Variants in DPH5 observed in about 807,000 individuals in gnomAD.
The protein encoded by DPH5 is diphthine methyl ester synthase.
In DPH5, 31 loss-of-function variants were observed where a neutral mutation model predicts 31.6. That is an observed-to-expected ratio of 0.98 (90% CI 0.74 to 1.32). DPH5 has a LOEUF of 1.32. DPH5 is among the 40% of genes most tolerant of loss of function. The probability of loss-of-function intolerance (pLI) is 0.00; values close to 1 mark genes in which losing one functional copy is unlikely to be tolerated. For missense variants in DPH5, 309 were observed against 335.7 expected, an observed-to-expected ratio of 0.92 and a Z score of 0.62; for synonymous variants, 120 against 115.0, an observed-to-expected ratio of 1.04 and a Z score of -0.28.
At chr1:101,014,979 T>G (rs1298098201) in intron 3 of DPH5, among the ~76,000 whole-genome samples, 1 of 152,242 alleles carries the variant, frequency 6.6e-6, no homozygotes, top group Non-Finnish European at 1.5e-5. Context: ...TCTAGTTCTC[T>G]TGGTATTTCT....
intron 3 of DPH5, among the ~76,000 whole-genome samples, chr1:101,016,216 TG>T (rs1156774087): frequency 1.3e-5 from 2 of 151,588 alleles, no homozygotes; most frequent in Non-Finnish European, 2.9e-5. Flanking sequence ...TAGCTGGGCG[TG>T]GTGGCAGGCG....
intron 4 of DPH5, among the ~76,000 whole-genome samples, chr1:101,010,485 G>T (rs1225757233): frequency 1.3e-5 from 2 of 152,124 alleles, no homozygotes; most frequent in African/African-American, 4.8e-5. Context: ...AATACTCAGT[G>T]GTTGATTCTG....
rs186757516 is a variant in DPH5, at chr1:101,016,929, T to G, written c.261-3111A>C. Among the ~76,000 whole-genome samples the G allele has an allele frequency of 1.0e-3, 152 of 152,248 alleles. 1 individual carries two copies. Among genetic ancestry groups the G allele is most frequent in the African/African-American group, 3.6e-3 (148 of 41,532 alleles). ...AGAGAGAGTTGGGGGAATGGCTGGTTGGTGGGGAGCAGTCAGAACACACAC... is the reference window on the plus strand; with the variant it reads ...AGAGAGAGTTGGGGGAATGGCTGGTGGGTGGGGAGCAGTCAGAACACACAC... On this transcript the variant is annotated intron_variant, in intron 3 of 7. Coordinates refer to ENST00000370109, the MANE Select transcript of DPH5 (RefSeq NM_015958.3).
At chr1:101,013,590 C>T in intron 4 of DPH5, 120 bp downstream of exon 4, 1 of 674,482 alleles carries the variant, frequency 1.5e-6, no homozygotes, top group East Asian at 2.8e-5. Context: ...ACTAAGCAGC[C>T]TAGTATCAAA....
At chr1:100,990,700 A>AT (rs750258394) in intron 7 of DPH5, 69 bp from the exon 8 acceptor site, 17 of 1,428,666 alleles carry the variant, frequency 1.2e-5, no homozygotes, top group Non-Finnish European at 1.6e-5. Context: ...TCAAACAAAC[A>AT]TTAGTACCAC....
intron 6 of DPH5, among the ~76,000 whole-genome samples, chr1:100,994,095 A>C (rs1019826554): frequency 1.3e-5 from 2 of 152,144 alleles, no homozygotes; most frequent in East Asian, 1.9e-4. Context: ...GTAATTTAAC[A>C]CCTACTCATA....
intron 7 of DPH5, among the ~76,000 whole-genome samples, chr1:100,991,076 T>C (rs956556749): frequency 3.3e-5 from 5 of 152,228 alleles, no homozygotes; most frequent in African/African-American, 1.2e-4. Context: ...TGCCATCCAA[T>C]TAGCTGTGTG....
At chr1:101,015,298 G>T (rs1345271797) in intron 3 of DPH5, among the ~76,000 whole-genome samples, 1 of 152,176 alleles carries the variant, frequency 6.6e-6, no homozygotes, top group Non-Finnish European at 1.5e-5. Flanking sequence ...TAGGTGTTGG[G>T]TTAGCAGGCA....
rs762640614 is a variant in DPH5, at chr1:101,001,463, T to C, written c.490+4A>G. 1.2e-6 allele frequency: 2 copies of C among 1,609,600 alleles called. No individual in the cohort carries two copies. The highest frequency in any genetic ancestry group is 1.1e-5 in the South Asian group (1 of 89,572). Reference sequence around the variant, plus strand: ...TTACTTCAAGGAAATTCCAAAACCCTTACCTAGTAAACATAATGTGTGCAT... The same window carrying C: ...TTACTTCAAGGAAATTCCAAAACCCCTACCTAGTAAACATAATGTGTGCAT... On this transcript the variant is annotated splice_donor_region_variant and intron_variant, in intron 5 of 7. Coordinates refer to ENST00000370109, the MANE Select transcript of DPH5 (RefSeq NM_015958.3).
intron 4 of DPH5, among the ~76,000 whole-genome samples, chr1:101,002,031 T>C (rs1658908360): frequency 6.6e-6 from 1 of 152,162 alleles, no homozygotes; most frequent in Non-Finnish European, 1.5e-5. Context: ...CTAACTAATA[T>C]AAAAATAAAC....
At chr1:101,012,342 G>A (rs981666056) in intron 4 of DPH5, among the ~76,000 whole-genome samples, 3 of 152,162 alleles carry the variant, frequency 2.0e-5, no homozygotes, top group Admixed American at 6.5e-5. Context: ...CTAGTGATAA[G>A]CAGAAAAGAG....
At position 101,022,710 on chromosome 1, in the gene DPH5, C is replaced by T. The variant is rs533065174; in HGVS notation, c.136-945G>A. ...ATTTATAAGGATTGCTGTAGTGCAACGGTATCTGGTACTCAATAATATCTG... is the reference window on the plus strand; with the variant it reads ...ATTTATAAGGATTGCTGTAGTGCAATGGTATCTGGTACTCAATAATATCTG... On this transcript the variant is annotated intron_variant, in intron 2 of 7. Transcript: ENST00000370109. Among the ~76,000 whole-genome samples the T allele has an allele frequency of 8.5e-5, 13 of 152,206 alleles. No individual in the cohort carries two copies. In the South Asian group the frequency reaches 1.2e-3, roughly 15 times the overall value.
At position 100,992,174 on chromosome 1, in the gene DPH5, C is replaced by T. The variant is rs114900223; in HGVS notation, c.634+463G>A. Among the ~76,000 whole-genome samples, 412 of 151,744 alleles carry T rather than the reference C, an allele frequency of 2.7e-3. 6 individuals are homozygous for T. The highest frequency in any genetic ancestry group is 9.7e-3 in the African/African-American group (401 of 41,368). ...TATTATATACCACACACTGTGTCTA[C>T]ATATTAGGAATATAAGAACAAATTT... On this transcript the variant is annotated intron_variant, in intron 7 of 7. Transcript: ENST00000370109.
In DPH5 at chr1:100,990,418, T is replaced by G. The variant is rs758197906; in HGVS notation, c.848A>C (p.Asn283Thr). The G allele has an allele frequency of 2.5e-6, 4 of 1,613,702 alleles. No individual in the cohort carries two copies. Among genetic ancestry groups the G allele is most frequent in the South Asian group, 2.2e-5 (2 of 91,076 alleles). Residue 283 changes from asparagine to threonine, a missense_variant, in exon 8 of 8, where the codon AAT becomes ACT. Transcript: ENST00000370109. ...PENSSESQSI[N>T]GL The stretch of plus-strand genomic sequence containing the variant: ...GGTAAATATCTATGTTCAAAGTCCA[T>G]TGATGCTTTGAGATTCTGAGCTATT...
rs3887102 is a variant in DPH5 at position 101,015,221 on chromosome 1, C to T, written c.261-1403G>A. On this transcript the variant is annotated intron_variant, in intron 3 of 7. Transcript: ENST00000370109. Reference sequence around the variant, plus strand: ...ACTATCTAGGGCAGCTACAGCCTCACAAAATATATTTCTTAGATAGAAAGA... The same window carrying T: ...ACTATCTAGGGCAGCTACAGCCTCATAAAATATATTTCTTAGATAGAAAGA... Among the ~76,000 whole-genome samples, 1,313 of 150,562 alleles carry T rather than the reference C, an allele frequency of 8.7e-3. 11 individuals carry two copies. The highest frequency in any genetic ancestry group is 0.037 in the East Asian group (192 of 5,158).
intron 3 of DPH5, among the ~76,000 whole-genome samples, chr1:101,016,964 C>A (rs2101274755): frequency 6.6e-6 from 1 of 152,296 alleles, no homozygotes; most frequent in African/African-American, 2.4e-5. Context: ...CAACATTTAT[C>A]AATTAAGTTC....
intron 1 of DPH5, 97 bp downstream of exon 1, chr1:101,025,586 G>A: frequency 1.0e-6 from 1 of 993,158 alleles, no homozygotes. Context: ...GGAGGGGTTT[G>A]GGAACCTTAT....
At position 100,992,631 on chromosome 1, in the gene DPH5, G is replaced by T. The variant is rs1267865255; in HGVS notation, c.634+6C>A. Reference sequence around the variant, plus strand: ...AATATGAGAGCCCTTCTAGTGTCTTGAGTACCTGGTTCTTCTCCTCGTATT... The same window carrying T: ...AATATGAGAGCCCTTCTAGTGTCTTTAGTACCTGGTTCTTCTCCTCGTATT... On this transcript the variant is annotated splice_donor_region_variant and intron_variant, in intron 7 of 7. Coordinates refer to ENST00000370109, the MANE Select transcript of DPH5 (RefSeq NM_015958.3). The T allele has an allele frequency of 1.2e-6, 2 of 1,610,826 alleles. No homozygotes were observed. Among genetic ancestry groups the T allele is most frequent in the East Asian group, 4.5e-5 (2 of 44,816 alleles).
intron 4 of DPH5, among the ~76,000 whole-genome samples, chr1:101,006,636 A>G (rs966313252): frequency 6.6e-6 from 1 of 152,170 alleles, no homozygotes; most frequent in Non-Finnish European, 1.5e-5. Context: ...TGACTACATT[A>G]GTCCCTGGAC....
Sources: gnomAD v4.1 joint callset for allele counts (sites outside exome capture counted in the v4.1 genomes callset) on GRCh38, gnomAD v4.1.1 for gene constraint, MANE v1.5 for transcripts, NCBI Gene and HGNC (gene_info 2026-07-23, HGNC 2026-07-21) for gene names.